KYAT1: variants seen among roughly 807,000 people sequenced by gnomAD.
KYAT1 encodes kynurenine aminotransferase 1.
KYAT1 carries 47 observed loss-of-function variants against 52.4 expected under a neutral mutation model. The ratio of observed to expected loss-of-function variants is 0.90; its 90% confidence interval spans 0.71 to 1.14. The LOEUF is 1.14. KYAT1 is among the 50% of genes most tolerant of loss of function. The pLI is 0.00. For missense variants in KYAT1, 480 were observed against 557.9 expected (o/e 0.86, Z 1.41); for synonymous variants, 212 against 209.6 (o/e 1.01, Z -0.10).
chr9:128,844,101 T>C (rs1161250744), intron 2 of KYAT1, among the ~76,000 whole-genome samples: 1 of 152,178 alleles, frequency 6.6e-6, no homozygotes, highest in Non-Finnish European at 1.5e-5. Context: ...CATAATCCTC[T>C]GTTCTGGCCC....
chr9:128,842,205 GA>G, intron 3 of KYAT1: 4 of 211,886 alleles, frequency 1.9e-5, no homozygotes, highest in South Asian at 1.1e-4. Flanking sequence ...AAAAGAAAAA[GA>G]AAAAAAGAAC....
chr9:128,852,641 A>G lies in KYAT1; in HGVS notation c.-6-7230T>C, dbSNP rs563482174. Among the ~76,000 whole-genome samples, 14 of 152,274 alleles carry G rather than the reference A, an allele frequency of 9.2e-5. No homozygotes were observed. In the Middle Eastern group the frequency reaches 0.014, roughly 148 times the overall value. Reference sequence around the variant, plus strand: ...AGCATCTGATAAGATTCAGACCTCTACTCCTTTCCATTATTTGGGAATGCA... The same window carrying G: ...AGCATCTGATAAGATTCAGACCTCTGCTCCTTTCCATTATTTGGGAATGCA... On this transcript the variant is annotated intron_variant, in intron 1 of 12. Transcript: ENST00000302586.
chr9:128,837,752 A>G lies in KYAT1; in HGVS notation c.500T>C (p.Leu167Pro), dbSNP rs747147633. Residue 167 changes from leucine to proline, a missense_variant, in exon 6 of 13, where the codon CTG becomes CCG. Physicochemically the swap from Leu to Pro is moderately conservative, Grantham distance 98 (BLOSUM62 -3). Transcript: ENST00000302586. ...SSNWQLDPME[L>P]AGKFTSRTKA... ...GGTGCGTGATGTGAATTTGCCGGCC[A>G]GCTCCATGGGGTCCAGCTGCCAGTT... 6.2e-7 allele frequency: 1 copy of G among 1,614,080 alleles called. No homozygotes were observed.
intron 1 of KYAT1, among the ~76,000 whole-genome samples, chr9:128,852,301 C>T (rs921793419): frequency 3.3e-5 from 5 of 152,112 alleles, no homozygotes; most frequent in African/African-American, 9.7e-5. Flanking sequence ...CAAAGACTGG[C>T]CTTTAATTAT....
intron 2 of KYAT1, among the ~76,000 whole-genome samples, chr9:128,844,452 G>C (rs576739494): frequency 2.0e-5 from 3 of 151,654 alleles, no homozygotes; most frequent in Non-Finnish European, 4.4e-5. Context: ...AGGCTGAGGC[G>C]GGTGGATCAC....
At chr9:128,845,223 A>T (rs963710367) in intron 2 of KYAT1, 130 bp downstream of exon 2, 2 of 697,548 alleles carry the variant, frequency 2.9e-6, no homozygotes, top group Non-Finnish European at 4.9e-6. Flanking sequence ...GTCTCTCCTG[A>T]GCTATGGCTG....
chr9:128,879,918 G>C (rs1359621091), intron 1 of KYAT1, among the ~76,000 whole-genome samples: 1 of 152,172 alleles, frequency 6.6e-6, no homozygotes, highest in Non-Finnish European at 1.5e-5. Flanking sequence ...GCACAGAGTA[G>C]GTCCCCCAGG....
chr9:128,867,711 C>T (rs1217914139), intron 1 of KYAT1, among the ~76,000 whole-genome samples: 1 of 152,122 alleles, frequency 6.6e-6, no homozygotes, highest in Admixed American at 6.5e-5. Flanking sequence ...AGCAGTCTGA[C>T]GTGGAAAGAT....
At chr9:128,844,537 A>G (rs1305641659) in intron 2 of KYAT1, among the ~76,000 whole-genome samples, 1 of 152,034 alleles carries the variant, frequency 6.6e-6, no homozygotes, top group African/African-American at 2.4e-5. Flanking sequence ...AAAAAAAAAA[A>G]AAATTAGCTG....
chr9:128,864,551 C>CA (rs1353151887), intron 1 of KYAT1, among the ~76,000 whole-genome samples: 2 of 152,038 alleles, frequency 1.3e-5, no homozygotes, highest in Admixed American at 1.3e-4. Flanking sequence ...TAGCCCAGCC[C>CA]ATTTGCTGTC....
chr9:128,842,201 A>G (rs1165957393), intron 3 of KYAT1: 2 of 215,796 alleles, frequency 9.3e-6, no homozygotes, highest in Non-Finnish European at 2.0e-5. Flanking sequence ...TCAAAAAAGA[A>G]AAAGAAAAAA....
chr9:128,875,442 C>T (rs865815385), intron 1 of KYAT1, among the ~76,000 whole-genome samples: 16 of 151,374 alleles, frequency 1.1e-4, no homozygotes, highest in Non-Finnish European at 1.9e-4. Context: ...GGTGAAACCG[C>T]GTCTCTACAA....
At chr9:128,876,870 G>A (rs1202994971) in intron 1 of KYAT1, among the ~76,000 whole-genome samples, 2 of 151,534 alleles carry the variant, frequency 1.3e-5, no homozygotes, top group African/African-American at 4.9e-5. Context: ...GGGATTACAG[G>A]TGCACGCCAC....
chr9:128,866,248 A>G (rs527943772), intron 1 of KYAT1, among the ~76,000 whole-genome samples: 3 of 152,190 alleles, frequency 2.0e-5, no homozygotes, highest in Non-Finnish European at 4.4e-5. Flanking sequence ...AATCGACAAC[A>G]AAAGACCAGC....
At chr9:128,867,319 A>G (rs1446942219) in intron 1 of KYAT1, among the ~76,000 whole-genome samples, 1 of 152,106 alleles carries the variant, frequency 6.6e-6, no homozygotes, top group Non-Finnish European at 1.5e-5. Context: ...AGCTGGGACC[A>G]CATGTGCACG....
chr9:128,860,583 T>G (rs1000424572), intron 1 of KYAT1: 2 of 151,588 alleles, frequency 1.3e-5, no homozygotes, highest in African/African-American at 4.8e-5. Context: ...TTTTTTTTTT[T>G]GAAACGGAGT....
intron 1 of KYAT1, among the ~76,000 whole-genome samples, chr9:128,868,449 G>A (rs1399653829): frequency 6.6e-6 from 1 of 152,094 alleles, no homozygotes; most frequent in Non-Finnish European, 1.5e-5. Context: ...GAACAGTGGT[G>A]TGTGCAATCA....
chr9:128,876,253 TA>T (rs112331357), intron 1 of KYAT1, among the ~76,000 whole-genome samples: 3,666 of 142,224 alleles, frequency 0.026, 109 homozygotes, highest in African/African-American at 0.074. Context: ...TCTTTGCTTT[TA>T]AAAAAAAAAA....
rs1169868290 is a variant in KYAT1, at chr9:128,833,061, C to T, written c.*523G>A. On this transcript the variant is annotated 3_prime_UTR_variant, in exon 13 of 13. Coordinates refer to ENST00000302586, the MANE Select transcript of KYAT1 (RefSeq NM_004059.5). ...GTCTGAGGTTCTTCTGGGCATTCTTCACAAGTTAGATCAGCCATCAGCATG... is the reference window on the plus strand; with the variant it reads ...GTCTGAGGTTCTTCTGGGCATTCTTTACAAGTTAGATCAGCCATCAGCATG... 6.3e-6 allele frequency: 1 copy of T among 158,192 alleles called. No homozygotes were observed. Among genetic ancestry groups the T allele is most frequent in the African/African-American group, 2.4e-5 (1 of 41,498 alleles). 9.8% of individuals were successfully genotyped at this position (158,192 alleles called of 1,614,324 possible).
Sources: gnomAD v4.1 joint callset for allele counts (sites outside exome capture counted in the v4.1 genomes callset) on GRCh38, gnomAD v4.1.1 for gene constraint, MANE v1.5 for transcripts, NCBI Gene and HGNC (gene_info 2026-07-23, HGNC 2026-07-21) for gene names.